CDK9: variants seen among roughly 807,000 people sequenced by gnomAD.
CDK9 encodes the protein cyclin dependent kinase 9.
In CDK9, 34 loss-of-function variants were observed where a neutral mutation model predicts 39.0. That is an observed-to-expected ratio of 0.87 (90% CI 0.66 to 1.16). CDK9 has a LOEUF of 1.16. Ranked by LOEUF, CDK9 falls within the 50% of genes most tolerant of loss-of-function variation. The probability of loss-of-function intolerance (pLI) is 0.00; values close to 1 mark genes in which losing one functional copy is unlikely to be tolerated. For synonymous variants in CDK9, 233 were observed against 196.2 expected, an observed-to-expected ratio of 1.19 and a Z score of -1.57; for missense variants, 369 against 503.2, an observed-to-expected ratio of 0.73 and a Z score of 2.55.
At chr9:127,786,680 G>T in intron 1 of CDK9, 21 bp from the exon 2 acceptor site, 1 of 1,609,984 alleles carries the variant, frequency 6.2e-7, no homozygotes, top group South Asian at 1.1e-5. Flanking sequence ...TGAGTTCTCG[G>T]GTCTCCCTTT....
chr9:127,788,089 C>T lies in CDK9; in HGVS notation c.408C>T (p.Gly136=), dbSNP rs576121481. 29 of 1,614,220 alleles carry T rather than the reference C, an allele frequency of 1.8e-5. No homozygotes were observed. In the South Asian group the frequency reaches 2.6e-4, roughly 15 times the overall value. The change falls in exon 4 of 7, where the codon GGC becomes GGT. Residue 136 remains glycine (G), a synonymous_variant. Transcript: ENST00000373264. ...IKRVMQMLLN[G]LYYIHRNKIL... Reference sequence around the variant, plus strand: ...GGGTGATGCAGATGCTGCTTAACGGCCTCTACTACATCCACAGAAACAAGG... The same window carrying T: ...GGGTGATGCAGATGCTGCTTAACGGTCTCTACTACATCCACAGAAACAAGG...
At position 127,786,695 on chromosome 9, in the gene CDK9, C is replaced by T; in HGVS notation, c.93-6C>T. The T allele has an allele frequency of 4.3e-6, 7 of 1,613,186 alleles. No homozygotes were observed. The highest frequency in any genetic ancestry group is 5.1e-6 in the Non-Finnish European group (6 of 1,179,548). On this transcript the variant is annotated splice_region_variant and splice_polypyrimidine_tract_variant and intron_variant, in intron 1 of 6. Transcript: ENST00000373264. ...TGAGTTCTCGGGTCTCCCTTTCCGC[C>T]TGCAGGGAGGTGTTCAAGGCCAGGC...
At position 127,787,997 on chromosome 9, in the gene CDK9, T is replaced by G; in HGVS notation, c.316T>G (p.Cys106Gly). The G allele has an allele frequency of 6.2e-7, 1 of 1,614,274 alleles. No individual in the cohort carries two copies. The highest frequency in any genetic ancestry group is 1.3e-5 in the African/African-American group (1 of 75,076). The change falls in exon 4 of 7, where the codon TGC becomes GGC. Residue 106 changes from cysteine (C) to glycine (G), a missense_variant. By Grantham distance (159) the Cys-to-Gly change is radical (BLOSUM62 -3). Transcript: ENST00000373264. ...TAGTATATACCTGGTGTTCGACTTCTGCGAGCATGACCTTGCTGGGCTGTT... is the reference window on the plus strand; with the variant it reads ...TAGTATATACCTGGTGTTCGACTTCGGCGAGCATGACCTTGCTGGGCTGTT... ...KGSIYLVFDF[C>G]EHDLAGLLSN...
intron 2 of CDK9, among the ~76,000 whole-genome samples, chr9:127,787,038 CT>C (rs1236506830): frequency 1.3e-5 from 2 of 152,100 alleles, no homozygotes; most frequent in South Asian, 2.1e-4. Flanking sequence ...CTTTAAACAC[CT>C]TTTTTTAGTG....
intron 1 of CDK9, 44 bp from the exon 2 acceptor site, chr9:127,786,657 G>A (rs759142793): frequency 1.3e-6 from 2 of 1,555,512 alleles, no homozygotes; most frequent in South Asian, 1.1e-5. Context: ...CGGGCCCTGC[G>A]GAAATGGCCT....
At chr9:127,787,060 C>T (rs938460358) in intron 2 of CDK9, among the ~76,000 whole-genome samples, 3 of 152,122 alleles carry the variant, frequency 2.0e-5, no homozygotes, top group Non-Finnish European at 2.9e-5. Flanking sequence ...TTAAATTTCG[C>T]TTAATGTAAA....
Position 127,790,030 on chromosome 9 carries a change from A to G in CDK9, c.*487A>G, listed in dbSNP as rs1298102163. On this transcript the variant is annotated 3_prime_UTR_variant, in exon 7 of 7. Transcript: ENST00000373264. ...TCTTTTGGTTCCATTGTTTGGAGACATTCCTGGGCACAGTTTGGTCCGTTA... is the reference window on the plus strand; with the variant it reads ...TCTTTTGGTTCCATTGTTTGGAGACGTTCCTGGGCACAGTTTGGTCCGTTA... The G allele has an allele frequency of 6.5e-6, 1 of 154,306 alleles. No individual in the cohort carries two copies. The highest frequency in any genetic ancestry group is 1.4e-5 in the Non-Finnish European group (1 of 69,922). The allele number at this position is 154,306 out of a possible 1,614,324, so 9.6% of individuals were successfully genotyped here. A position where few individuals can be genotyped will look rare whatever the true frequency, so the allele number is the denominator to read the frequency against.
At chr9:127,786,317 C>A in intron 1 of CDK9, 77 bp downstream of exon 1, 1 of 1,208,274 alleles carries the variant, frequency 8.3e-7, no homozygotes, top group Non-Finnish European at 1.2e-6. Flanking sequence ...CGGGCCCCCC[C>A]CGAGTTGGTA....
In CDK9 at chr9:127,789,315, G is replaced by A; in HGVS notation, c.891G>A (p.Val297=). The change falls in exon 7 of 7, where the codon GTG becomes GTA. Residue 297 remains valine (V), a synonymous_variant. Coordinates refer to ENST00000373264, the MANE Select transcript of CDK9 (RefSeq NM_001261.4). The surrounding 1 kb of genome is among the most constrained non-coding windows in gnomAD (Gnocchi z 5.2). ...YALDLIDKLL[V]LDPAQRIDSD... ...TGGACCTCATCGACAAGCTGCTGGT[G>A]CTGGACCCTGCCCAGCGCATCGACA... 6.2e-7 allele frequency: 1 copy of A among 1,613,976 alleles called. No homozygotes were observed. Among genetic ancestry groups the A allele is most frequent in the Non-Finnish European group, 8.5e-7 (1 of 1,180,034 alleles).
rs530304130 is a variant in CDK9 at position 127,788,429 on chromosome 9, C to G, written c.604+44C>G. ...GCCAAGGGGGGTGAGGGCCAGGCAT[C>G]TACCTGGCCCCTTCCCCCCAACTGC... On this transcript the variant is annotated intron_variant, in intron 5 of 6. Coordinates refer to ENST00000373264, the MANE Select transcript of CDK9 (RefSeq NM_001261.4). 11 of 1,574,246 alleles carry G rather than the reference C, an allele frequency of 7.0e-6. No homozygotes were observed. In the South Asian group the frequency reaches 1.1e-4, roughly 16 times the overall value.
At position 127,788,709 on chromosome 9, in the gene CDK9, C is replaced by T. The variant is rs753143249; in HGVS notation, c.753+17C>T. ...ACCCCTGAGGTACGGGGCCCCGGTCCCCACGGGGTGCAGAGATCGAGGTCC... is the reference window on the plus strand; with the variant it reads ...ACCCCTGAGGTACGGGGCCCCGGTCTCCACGGGGTGCAGAGATCGAGGTCC... On this transcript the variant is annotated intron_variant, in intron 6 of 6. Transcript: ENST00000373264. 2.5e-6 allele frequency: 4 copies of T among 1,575,616 alleles called. No individual in the cohort carries two copies. The highest frequency in any genetic ancestry group is 1.4e-5 in the African/African-American group (1 of 73,942).
At chr9:127,786,646 G>A in intron 1 of CDK9, 55 bp from the exon 2 acceptor site, 5 of 1,475,916 alleles carry the variant, frequency 3.4e-6, no homozygotes, top group African/African-American at 1.4e-5. Context: ...TGGGGGAGGG[G>A]CGGGCCCTGC....
chr9:127,786,296 G>A, intron 1 of CDK9, 56 bp downstream of exon 1: 2 of 1,398,760 alleles, frequency 1.4e-6, no homozygotes, highest in East Asian at 2.4e-5. Context: ...TAGGGCCGAC[G>A]TCGGGATGCC....
intron 3 of CDK9, 96 bp downstream of exon 3, chr9:127,787,704 C>T (rs1588538232): frequency 2.1e-6 from 2 of 975,342 alleles, no homozygotes; most frequent in Non-Finnish European, 1.6e-6. Flanking sequence ...CTCTTCTTAA[C>T]TCAGATGGAC....
At chr9:127,786,571 C>A in intron 1 of CDK9, 130 bp from the exon 2 acceptor site, 1 of 764,282 alleles carries the variant, frequency 1.3e-6, no homozygotes, top group Non-Finnish European at 2.1e-6. Flanking sequence ...GGGGTAGCCG[C>A]GTGCCCTGGG....
At chr9:127,786,480 C>T (rs539189318) in intron 1 of CDK9, among the ~76,000 whole-genome samples, 66 of 152,294 alleles carry the variant, frequency 4.3e-4, no homozygotes, top group African/African-American at 1.5e-3. Flanking sequence ...GGAGCGGGAT[C>T]TCTCCAAGGG....
At chr9:127,787,721 T>C (rs1322176314) in intron 3 of CDK9, 113 bp downstream of exon 3, 1 of 901,694 alleles carries the variant, frequency 1.1e-6, no homozygotes, top group East Asian at 2.5e-5. Flanking sequence ...GGACCCATGG[T>C]GACTGCTTTT....
intron 3 of CDK9, 101 bp downstream of exon 3, chr9:127,787,709 A>G (rs1829356145): frequency 2.1e-6 from 2 of 947,738 alleles, no homozygotes; most frequent in East Asian, 2.5e-5. Context: ...CTTAACTCAG[A>G]TGGACCCATG....
chr9:127,790,606 T>A lies in CDK9; in HGVS notation c.*1063T>A, dbSNP rs1829410132. ...GGAGCGGCACATTCTGGCAGGCACG[T>A]TTTCTGTGAGCCTGAAGTTAGGAAG... On this transcript the variant is annotated 3_prime_UTR_variant, in exon 7 of 7. Coordinates refer to ENST00000373264, the MANE Select transcript of CDK9 (RefSeq NM_001261.4). 6.6e-6 allele frequency: 1 copy of A among 152,032 alleles called. No individual in the cohort carries two copies. Among genetic ancestry groups the A allele is most frequent in the South Asian group, 2.1e-4 (1 of 4,816 alleles). 9.4% of individuals were successfully genotyped at this position (152,032 alleles called of 1,614,324 possible).
Sources: gnomAD v4.1 joint callset for allele counts (sites outside exome capture counted in the v4.1 genomes callset) on GRCh38, gnomAD v4.1.1 for gene constraint, Gnocchi (gnomAD v3.1) non-coding constraint, MANE v1.5 for transcripts, NCBI Gene and HGNC (gene_info 2026-07-23, HGNC 2026-07-21) for gene names.